The following EHMT2 variants were observed in gnomAD, a reference collection of about 807,000 sequenced individuals.
The protein encoded by EHMT2 is euchromatic histone lysine methyltransferase 2.
In EHMT2, 59 loss-of-function variants were observed where a neutral mutation model predicts 143.3. The ratio of observed to expected loss-of-function variants is 0.41; its 90% confidence interval spans 0.33 to 0.51. The LOEUF (loss-of-function observed/expected upper bound fraction) is 0.51, where lower values mean the gene tolerates loss of function less well. Ranked by LOEUF, EHMT2 falls within the 20% of genes least tolerant of loss-of-function variation. EHMT2 has a pLI of 0.18. For missense variants in EHMT2, 1,174 were observed against 1,645.9 expected (o/e 0.71, Z 4.96); for synonymous variants, 604 against 651.5 (o/e 0.93, Z 1.11).
Position 31,880,247 on chromosome 6 carries a change from C to T in EHMT2, c.3470G>A (p.Arg1157His), listed in dbSNP as rs1763926668. 2 of 1,612,038 alleles carry T rather than the reference C, an allele frequency of 1.2e-6. No individual in the cohort carries two copies. Among genetic ancestry groups the T allele is most frequent in the Non-Finnish European group, 1.7e-6 (2 of 1,179,404 alleles). ...ATATTTGCTTTTGATGTCCCAGAAG[C>T]GGTCGCCATAGTCAAACCTGTCAGA... Residue 1157 changes from arginine to histidine, a missense_variant, in exon 28 of 28, where the codon CGC (arginine) becomes CAC (histidine). Coordinates refer to ENST00000375537, the Ensembl canonical transcript of EHMT2. This position sits in a 1 kb window ranked among gnomAD's most constrained non-coding sequence, Gnocchi z 6.6.
At chr6:31,893,127 G>C (rs1581948712) in intron 4 of EHMT2, 1 of 552,642 alleles carries the variant, frequency 1.8e-6, no homozygotes, top group East Asian at 3.0e-5. Flanking sequence ...ATGCAGAGCA[G>C]GCCCTTTTCC....
intron 25 of EHMT2, 33 bp downstream of exon 25, chr6:31,882,666 C>T (rs1263385246): frequency 9.4e-6 from 15 of 1,591,620 alleles, no homozygotes; most frequent in African/African-American, 1.3e-5. Flanking sequence ...TATCCCCTTC[C>T]CACCAGGTGT....
At chr6:31,892,698 C>G in exon 6 of EHMT2, 1 of 1,613,102 alleles carries the variant, frequency 6.2e-7, no homozygotes, top group Non-Finnish European at 8.5e-7. Context: ...GCTTACCAGG[C>G]CACCTCCTGA....
Position 31,883,209 on chromosome 6 carries a change from C to T in EHMT2, c.2994+153G>A, listed in dbSNP as rs1252719976. On this transcript the variant is annotated intron_variant, in intron 23 of 27. Transcript: ENST00000375537. This position sits in a 1 kb window ranked among gnomAD's most constrained non-coding sequence, Gnocchi z 5.6. ...CACACGCCCATCGCTGTCCCAGCCA[C>T]ATCCCAGGATTCCCAGGCCTTGCCC... The T allele has an allele frequency of 1.1e-6, 1 of 912,940 alleles. No homozygotes were observed. The highest frequency in any genetic ancestry group is 1.7e-5 in the African/African-American group (1 of 60,376). 56.6% of individuals were successfully genotyped at this position (912,940 alleles called of 1,614,324 possible).
In EHMT2 at chr6:31,886,823, C is replaced by CAG. The variant is rs749749549; in HGVS notation, c.2191_2192dup (p.Glu732TrpfsTer3). ...GCTGCACCATGTAACGGGCTACCTC[C>CAG]AGGTGGTTGTTCACCACGGCCTCCA... is the stretch of plus-strand genomic sequence containing the variant. On this transcript the variant is annotated frameshift_variant, in exon 17 of 28. Coordinates refer to ENST00000375537, the Ensembl canonical transcript of EHMT2. LOFTEE classifies it high-confidence loss of function. 2 of 1,614,260 alleles carry CAG rather than the reference C, an allele frequency of 1.2e-6. No homozygotes were observed.
rs745465245 is a variant in EHMT2, at chr6:31,889,531, CTCTTCT to C, written c.930_935del (p.Glu322_Glu323del). On this transcript the variant is annotated inframe_deletion, in exon 8 of 28. Coordinates refer to ENST00000375537, the Ensembl canonical transcript of EHMT2. This position sits in a 1 kb window ranked among gnomAD's most constrained non-coding sequence, Gnocchi z 5.1. ...CTTCTTCCTCTTCCTCCTCCTCTTC[CTCTTCT>C]TCTTCTTCCTCCTCTTCCTCCTCCT... is the stretch of plus-strand genomic sequence containing the variant. 7.4e-6 allele frequency: 12 copies of C among 1,611,098 alleles called. No individual in the cohort carries two copies. The highest frequency in any genetic ancestry group is 6.7e-5 in the East Asian group (3 of 44,888).
Position 31,887,805 on chromosome 6 carries a change from CT to C in EHMT2, c.1901del (p.Lys634ArgfsTer25). The C allele has an allele frequency of 6.2e-7, 1 of 1,604,510 alleles. No homozygotes were observed. ...TCTCTGACTCCTGGATGACCAGGGC[CT>C]TTTCCAGGGCCTCCCGGCCTGGCCC... On this transcript the variant is annotated frameshift_variant, in exon 14 of 28. Transcript: ENST00000375537. LOFTEE classifies it high-confidence loss of function.
At chr6:31,893,772 T>A (rs1766001542) in intron 4 of EHMT2, 1 of 192,226 alleles carries the variant, frequency 5.2e-6, no homozygotes, top group South Asian at 1.1e-4. Context: ...ACTGTATGAT[T>A]ACACTTAGAT....
chr6:31,884,139 A>C lies in EHMT2; in HGVS notation c.2772-189T>G, dbSNP rs1764487276. The C allele has an allele frequency of 6.4e-5, 47 of 733,438 alleles. No individual in the cohort carries two copies. The South Asian group carries it at 8.7e-4, about 14-fold the overall frequency. 45.4% of individuals were successfully genotyped at this position (733,438 alleles called of 1,614,324 possible). On this transcript the variant is annotated intron_variant, in intron 21 of 27. Transcript: ENST00000375537. This position sits in a 1 kb window ranked among gnomAD's most constrained non-coding sequence, Gnocchi z 7.3. ...AAGAAATAGCTTTTTAGTATGTCCC[A>C]AAAATTACACAGGACATTCTCACAC...
At position 31,887,764 on chromosome 6, in the gene EHMT2, C is replaced by T. The variant is rs758389071; in HGVS notation, c.1928+15G>A. 8.1e-6 allele frequency: 13 copies of T among 1,598,622 alleles called. No individual in the cohort carries two copies. Among genetic ancestry groups the T allele is most frequent in the Non-Finnish European group, 1.0e-5 (12 of 1,175,056 alleles). ...CTCAGCCCCAGTTGCTGTGCCTGAG[C>T]AACTCCCCACTCACCTCTCTGACTC... On this transcript the variant is annotated intron_variant, in intron 14 of 27. Coordinates refer to ENST00000375537, the Ensembl canonical transcript of EHMT2.
exon 17 of EHMT2, chr6:31,886,804 C>A (rs760183254): frequency 6.2e-7 from 1 of 1,614,254 alleles, no homozygotes; most frequent in Non-Finnish European, 8.5e-7. Context: ...CCACGCTGCA[C>A]CATGTAACGG....
Position 31,889,304 on chromosome 6 carries a change from C to T in EHMT2, c.1038G>A (p.Trp346Ter). Residue 346 changes from tryptophan to a stop codon, truncating the protein, a stop_gained, in exon 9 of 28, where the codon TGG (tryptophan) becomes TGA (stop). Transcript: ENST00000375537. LOFTEE classifies it high-confidence loss of function. The surrounding 1 kb of genome is among the most constrained non-coding windows in gnomAD (Gnocchi z 5.1). ...GCTTCACCCATGGGCTGTCTTTTCGCCATTTCTTCTTGGCCTTGCGCCGGC... is the reference window on the plus strand; with the variant it reads ...GCTTCACCCATGGGCTGTCTTTTCGTCATTTCTTCTTGGCCTTGCGCCGGC... The T allele has an allele frequency of 1.2e-6, 2 of 1,612,414 alleles. No individual in the cohort carries two copies. The highest frequency in any genetic ancestry group is 1.7e-6 in the Non-Finnish European group (2 of 1,180,000).
chr6:31,896,581 C>T, intron 3 of EHMT2, 25 bp downstream of exon 3: 4 of 1,588,738 alleles, frequency 2.5e-6, no homozygotes, highest in African/African-American at 1.3e-5. Flanking sequence ...TTCCCACCAA[C>T]CCCCCAGGCT....
In EHMT2 at chr6:31,880,959, G is replaced by C; in HGVS notation, c.3276+55C>G. 6.2e-7 allele frequency: 1 copy of C among 1,609,486 alleles called. No individual in the cohort carries two copies. The highest frequency in any genetic ancestry group is 1.3e-5 in the African/African-American group (1 of 74,920). On this transcript the variant is annotated intron_variant, in intron 26 of 27. Transcript: ENST00000375537. This position sits in a 1 kb window ranked among gnomAD's most constrained non-coding sequence, Gnocchi z 6.6. ...GGTTTCCATTTGCTGACTTCCCAGA[G>C]GCTCCTGAAAGCCAGCCCTGGGGAG...
Position 31,888,704 on chromosome 6 carries a change from A to G in EHMT2, c.1260T>C (p.Phe420=). The change falls in exon 11 of 28, where the codon TTT becomes TTC. Residue 420 remains phenylalanine (F), a synonymous_variant. Transcript: ENST00000375537. This position sits in a 1 kb window ranked among gnomAD's most constrained non-coding sequence, Gnocchi z 7.4. ...GGCAGCTGCACAGGGGCAACTCCTC[A>G]AACCCTCGCTCTGTCTCCAGCGAAG... 1 of 1,613,734 alleles carries G rather than the reference A, an allele frequency of 6.2e-7. No individual in the cohort carries two copies. The highest frequency in any genetic ancestry group is 1.1e-5 in the South Asian group (1 of 91,092).
chr6:31,897,282 G>A (rs1766671431), intron 1 of EHMT2: 1 of 767,422 alleles, frequency 1.3e-6, no homozygotes, highest in Non-Finnish European at 1.7e-6. Flanking sequence ...GGCTGCACGC[G>A]CCGCTCCCCC....
At chr6:31,886,921 C>A in intron 16 of EHMT2, 24 bp from the exon 17 acceptor site, 1 of 1,613,994 alleles carries the variant, frequency 6.2e-7, no homozygotes, top group Non-Finnish European at 8.5e-7. Context: ...GGAGGGCTGG[C>A]ACCAGGGAGG....
chr6:31,879,912 A>C (rs1763876393), exon 28 of EHMT2: 3 of 743,702 alleles, frequency 4.0e-6, no homozygotes, highest in South Asian at 1.9e-5. Context: ...TCTGGGAGGG[A>C]GGGGCTGTCA....
intron 1 of EHMT2, 130 bp from the exon 2 acceptor site, chr6:31,897,119 T>C: frequency 7.1e-7 from 1 of 1,412,606 alleles, no homozygotes; most frequent in Non-Finnish European, 9.2e-7. Flanking sequence ...GCCCCCCCCT[T>C]CCGCGGCCTC....
Sources: allele counts gnomAD v4.1 joint callset, GRCh38; gene constraint gnomAD v4.1.1; non-coding constraint Gnocchi (gnomAD v3.1); transcripts MANE v1.5; gene names NCBI Gene and HGNC (gene_info 2026-07-23, HGNC 2026-07-21).